CSMD1: variants seen among roughly 807,000 people sequenced by gnomAD.
The protein encoded by CSMD1 is CUB and Sushi multiple domains 1.
CSMD1 carries 213 observed loss-of-function variants against 417.5 expected under a neutral mutation model. The ratio of observed to expected loss-of-function variants is 0.51; its 90% CI spans 0.46 to 0.57. The LOEUF (loss-of-function observed/expected upper bound fraction) is 0.57. Among genes scored for constraint, CSMD1 ranks in the 20% least tolerant of loss-of-function variants. The pLI is 0.00. For synonymous variants in CSMD1, 2,862 were observed against 1,736.8 expected, an observed-to-expected ratio of 1.65 and a Z score of -16.11; for missense variants, 6,923 against 4,529.7, an observed-to-expected ratio of 1.53 and a Z score of -15.17.
chr8:3,909,431 G>A (rs1448672809), intron 5 of CSMD1, among the ~76,000 whole-genome samples: 1 of 152,234 alleles, frequency 6.6e-6, no homozygotes, highest in Non-Finnish European at 1.5e-5. Flanking sequence ...GGCAGGATAC[G>A]CAGAAAAAGG....
At chr8:4,502,128 T>C (rs1161038489) in intron 2 of CSMD1, among the ~76,000 whole-genome samples, 1 of 152,184 alleles carries the variant, frequency 6.6e-6, no homozygotes, top group African/African-American at 2.4e-5. Flanking sequence ...TTTCTAATTA[T>C]GGGTTATATA....
chr8:4,741,736 T>A (rs1810618328), intron 1 of CSMD1, among the ~76,000 whole-genome samples: 1 of 152,144 alleles, frequency 6.6e-6, no homozygotes, highest in African/African-American at 2.4e-5. Flanking sequence ...TAGTAGCTTG[T>A]TAGAAGTGGA....
At chr8:3,179,706 T>A (rs960807144) in intron 37 of CSMD1, among the ~76,000 whole-genome samples, 1 of 152,162 alleles carries the variant, frequency 6.6e-6, no homozygotes, top group African/African-American at 2.4e-5. Flanking sequence ...CCAAAACTAT[T>A]AGTGAATTTT....
chr8:3,684,415 AT>A (rs901998946), intron 7 of CSMD1, among the ~76,000 whole-genome samples: 2 of 148,932 alleles, frequency 1.3e-5, no homozygotes, highest in Non-Finnish European at 3.0e-5. Context: ...TACAAAATAT[AT>A]TTTTTTCATC....
chr8:3,965,452 T>C (rs1218038752), intron 5 of CSMD1, among the ~76,000 whole-genome samples: 1 of 152,196 alleles, frequency 6.6e-6, no homozygotes, highest in Non-Finnish European at 1.5e-5. Context: ...TGTTTATGCG[T>C]AGAATTCTCT....
At chr8:4,436,766 G>A (rs1321295855) in intron 2 of CSMD1, among the ~76,000 whole-genome samples, 1 of 152,128 alleles carries the variant, frequency 6.6e-6, no homozygotes, top group Admixed American at 6.5e-5. Flanking sequence ...AAGTGATCAT[G>A]TGATATTTCT....
chr8:3,242,207 A>G (rs938466463), intron 26 of CSMD1, among the ~76,000 whole-genome samples: 1 of 151,958 alleles, frequency 6.6e-6, no homozygotes, highest in Non-Finnish European at 1.5e-5. Context: ...AAGCTGGACC[A>G]GGTGTGAGGA....
At chr8:4,684,905 G>A (rs910445710) in intron 1 of CSMD1, among the ~76,000 whole-genome samples, 1 of 152,102 alleles carries the variant, frequency 6.6e-6, no homozygotes, top group Admixed American at 6.6e-5. Flanking sequence ...CAACAAAACT[G>A]TAAAATTCAC....
chr8:4,192,380 G>T (rs919798529), intron 3 of CSMD1, among the ~76,000 whole-genome samples: 1 of 152,196 alleles, frequency 6.6e-6, no homozygotes, highest in Non-Finnish European at 1.5e-5. Context: ...TCTTTCTCTT[G>T]CTCTCTTTGG....
intron 1 of CSMD1, among the ~76,000 whole-genome samples, chr8:4,753,791 C>A (rs959263502): frequency 6.6e-6 from 1 of 152,192 alleles, no homozygotes; most frequent in Non-Finnish European, 1.5e-5. Flanking sequence ...CCACCACTGC[C>A]TCCTCCTTTA....
At chr8:4,320,649 G>A (rs1408927377) in intron 3 of CSMD1, among the ~76,000 whole-genome samples, 1 of 152,036 alleles carries the variant, frequency 6.6e-6, no homozygotes, top group Non-Finnish European at 1.5e-5. Flanking sequence ...GAGAATGATG[G>A]TTTACAGCTT....
At chr8:4,401,422 T>C (rs991663859) in intron 3 of CSMD1, among the ~76,000 whole-genome samples, 1 of 152,158 alleles carries the variant, frequency 6.6e-6, no homozygotes, top group Non-Finnish European at 1.5e-5. Flanking sequence ...TATTTTATAT[T>C]ATTTGGACAT....
chr8:3,287,782 A>G (rs1457390875), intron 25 of CSMD1, among the ~76,000 whole-genome samples: 1 of 152,018 alleles, frequency 6.6e-6, no homozygotes, highest in Non-Finnish European at 1.5e-5. Context: ...TTCCTAATTG[A>G]ATACTCTTTA....
intron 1 of CSMD1, among the ~76,000 whole-genome samples, chr8:4,716,827 C>T (rs1481601823): frequency 6.6e-6 from 1 of 152,014 alleles, no homozygotes; most frequent in Non-Finnish European, 1.5e-5. Flanking sequence ...CATCTCTTAG[C>T]AACTAATGAA....
At chr8:2,987,135 T>A (rs1023033900) in intron 54 of CSMD1, among the ~76,000 whole-genome samples, 4 of 152,076 alleles carry the variant, frequency 2.6e-5, no homozygotes, top group Admixed American at 2.0e-4. Context: ...CATATTTTAC[T>A]GATAAAATAA....
intron 3 of CSMD1, among the ~76,000 whole-genome samples, chr8:4,229,082 C>T (rs1801543368): frequency 6.6e-6 from 1 of 152,216 alleles, no homozygotes; most frequent in Admixed American, 6.5e-5. Context: ...AACCTGATTC[C>T]TGATGCACTC....
At position 4,183,341 on chromosome 8, in the gene CSMD1, A is replaced by G. The variant is rs933534139; in HGVS notation, c.416-151242T>C. 2.0e-4 allele frequency among the ~76,000 whole-genome samples: 30 copies of G among 152,318 alleles called. 1 individual carries two copies. The highest frequency in any genetic ancestry group is 7.0e-4 in the African/African-American group (29 of 41,584). On this transcript the variant is annotated intron_variant, in intron 3 of 69. Transcript: ENST00000635120. ...TAAAATAATTTATTCATGTCTGATGATTACCACTGAAGTAATCTAAATGGT... is the reference window on the plus strand; with the variant it reads ...TAAAATAATTTATTCATGTCTGATGGTTACCACTGAAGTAATCTAAATGGT...
chr8:4,058,516 TA>T (rs1798812419), intron 3 of CSMD1, among the ~76,000 whole-genome samples: 1 of 152,108 alleles, frequency 6.6e-6, no homozygotes, highest in Admixed American at 6.6e-5. Flanking sequence ...CCTAACTGAA[TA>T]CCCTTTATTT....
chr8:3,859,136 C>G (rs1472721319), intron 5 of CSMD1, among the ~76,000 whole-genome samples: 1 of 152,186 alleles, frequency 6.6e-6, no homozygotes, highest in Non-Finnish European at 1.5e-5. Context: ...CAACCTATCT[C>G]TACTCCACAC....
Sources: gnomAD v4.1 joint callset for allele counts (sites outside exome capture counted in the v4.1 genomes callset) on GRCh38, gnomAD v4.1.1 for gene constraint, MANE v1.5 for transcripts, NCBI Gene and HGNC (gene_info 2026-07-23, HGNC 2026-07-21) for gene names.